The following FBN1 variants were observed in gnomAD, a reference collection of about 807,000 sequenced individuals.
FBN1 encodes the protein fibrillin 1.
In FBN1, 29 loss-of-function variants were observed where a neutral mutation model predicts 365.1. The observed-to-expected ratio is 0.08, with a 90% CI of 0.06 to 0.11. FBN1 has a LOEUF of 0.11. Among genes scored for constraint, FBN1 ranks in the 10% least tolerant of loss-of-function variants. The pLI is 1.00. For missense variants in FBN1, 2,476 were observed against 3,703.2 expected (o/e 0.67, Z 8.60); for synonymous variants, 1,210 against 1,270.5 (o/e 0.95, Z 1.01).
At chr15:48,502,532 CA>C (rs1276814988) in intron 17 of FBN1, among the ~76,000 whole-genome samples, 7 of 152,060 alleles carry the variant, frequency 4.6e-5, no homozygotes, top group Non-Finnish European at 8.8e-5. Flanking sequence ...TAAAAACAAC[CA>C]ACCAGAGCTA....
chr15:48,443,131 T>C (rs1437815544), intron 49 of FBN1, among the ~76,000 whole-genome samples: 2 of 152,208 alleles, frequency 1.3e-5, no homozygotes, highest in South Asian at 2.1e-4. Context: ...TTCTCCATCA[T>C]GCCATGTTAT....
Position 48,520,789 on chromosome 15 carries a change from A to G in FBN1, c.1017T>C (p.Ala339=). ...GGTTAGAGCAGCGCCCGTTTGTCAG[A>G]GCTGTGTAACAGTATCCTGGGCGAA... The part of the protein sequence containing the change: ...IDVRPGYCYT[A]LTNGRCSNQL... Residue 339 remains alanine, a synonymous_variant, in exon 10 of 66, where the codon GCT becomes GCC. Transcript: ENST00000316623. The G allele has an allele frequency of 6.2e-7, 1 of 1,614,206 alleles. No homozygotes were observed. The highest frequency in any genetic ancestry group is 1.6e-4 in the Middle Eastern group (1 of 6,062).
chr15:48,634,313 C>G (rs995191350), intron 2 of FBN1, among the ~76,000 whole-genome samples: 1 of 152,200 alleles, frequency 6.6e-6, no homozygotes, highest in Non-Finnish European at 1.5e-5. Flanking sequence ...TGTTTTCATA[C>G]GAATCTTTTC....
intron 6 of FBN1, among the ~76,000 whole-genome samples, chr15:48,582,412 C>T (rs997980215): frequency 7.9e-5 from 12 of 152,134 alleles, no homozygotes; most frequent in African/African-American, 2.9e-4. Context: ...ACAATATTTG[C>T]TGTTTAATTT....
At chr15:48,493,796 C>A (rs555350509) in intron 23 of FBN1, among the ~76,000 whole-genome samples, 1 of 152,316 alleles carries the variant, frequency 6.6e-6, no homozygotes, top group African/African-American at 2.4e-5. Flanking sequence ...TGCAGACTTT[C>A]AACAAAGAGA....
intron 50 of FBN1, among the ~76,000 whole-genome samples, chr15:48,438,598 A>C (rs555650799): frequency 1.3e-5 from 2 of 152,240 alleles, no homozygotes; most frequent in African/African-American, 4.8e-5. Context: ...TTAAATTTTT[A>C]AAAGAAGCTT....
At chr15:48,533,719 T>A (rs989632107) in intron 8 of FBN1, among the ~76,000 whole-genome samples, 2 of 152,172 alleles carry the variant, frequency 1.3e-5, no homozygotes, top group African/African-American at 4.8e-5. Context: ...TCGGAAGATA[T>A]ATTATTCTGA....
At chr15:48,529,870 A>G (rs1461156081) in intron 8 of FBN1, 3 of 152,708 alleles carry the variant, frequency 2.0e-5, no homozygotes, top group African/African-American at 7.3e-5. Flanking sequence ...CCCGATCACA[A>G]CTTGAAAATG....
chr15:48,421,913 C>T (rs201354003), intron 61 of FBN1, 39 bp downstream of exon 61: 8 of 1,453,282 alleles, frequency 5.5e-6, no homozygotes, highest in African/African-American at 2.8e-5. Context: ...TTAAAAGAAT[C>T]GCTACAATCC....
chr15:48,497,740 C>T (rs1320210686), intron 18 of FBN1, among the ~76,000 whole-genome samples: 1 of 152,174 alleles, frequency 6.6e-6, no homozygotes, highest in South Asian at 2.1e-4. Flanking sequence ...GGTCTCCCTA[C>T]CACCAGCCCC....
intron 11 of FBN1, 34 bp from the exon 12 acceptor site, chr15:48,515,561 T>C (rs956506047): frequency 1.2e-6 from 2 of 1,612,382 alleles, no homozygotes; most frequent in Non-Finnish European, 1.7e-6. Flanking sequence ...AAAATTATTT[T>C]AACTATGGTA....
intron 2 of FBN1, among the ~76,000 whole-genome samples, chr15:48,613,509 C>T (rs2044672992): frequency 6.6e-6 from 1 of 152,026 alleles, no homozygotes; most frequent in South Asian, 2.1e-4. Flanking sequence ...TATATATTTT[C>T]CTACGGCCCA....
Position 48,495,387 on chromosome 15 carries a change from T to TA in FBN1, c.2539+81dup, listed in dbSNP as rs1346295664. 13 of 1,594,168 alleles carry TA rather than the reference T, an allele frequency of 8.2e-6. No individual in the cohort carries two copies. In the African/African-American group the frequency reaches 1.5e-4, roughly 18 times the overall value. On this transcript the variant is annotated intron_variant, in intron 21 of 65. Transcript: ENST00000316623. ...GTTTTTAATATTGTTCATCCATACT[T>TA]AAATTCTTTTGCAGGAAAAGCTGAC...
At chr15:48,495,397 T>C in intron 21 of FBN1, 72 bp downstream of exon 21, 2 of 1,598,020 alleles carry the variant, frequency 1.3e-6, no homozygotes, top group Non-Finnish European at 1.7e-6. Flanking sequence ...TAAATTCTTT[T>C]GCAGGAAAAG....
At chr15:48,488,332 G>C (rs565318171) in intron 26 of FBN1, 36 bp downstream of exon 26, 4 of 1,614,146 alleles carry the variant, frequency 2.5e-6, no homozygotes, top group South Asian at 2.2e-5. Context: ...TTTAAAGGAC[G>C]TCCCCTCTCC....
At chr15:48,639,185 A>T (rs908787322) in intron 2 of FBN1, among the ~76,000 whole-genome samples, 5 of 152,198 alleles carry the variant, frequency 3.3e-5, no homozygotes, top group Admixed American at 2.6e-4. Flanking sequence ...AAATTAATGG[A>T]GAAAGAAAAG....
At chr15:48,633,208 T>A (rs933783487) in intron 2 of FBN1, among the ~76,000 whole-genome samples, 3 of 152,230 alleles carry the variant, frequency 2.0e-5, no homozygotes, top group Non-Finnish European at 4.4e-5. Flanking sequence ...CATAACATAG[T>A]TGTCACTTGG....
intron 17 of FBN1, among the ~76,000 whole-genome samples, chr15:48,503,208 A>G (rs1193986241): frequency 6.6e-6 from 1 of 151,506 alleles, no homozygotes; most frequent in Admixed American, 6.6e-5. Flanking sequence ...TGAGGCAGAG[A>G]ATCACTTGAA....
In FBN1 at chr15:48,489,884, T is replaced by C; in HGVS notation, c.3049A>G (p.Lys1017Glu). ...AAAGGCTTTCCATTTGTAATTTCTT[T>C]TGTGGCAAATCCGGGTCCTCTCGGA... ...LCPRGPGFAT[K>E]EITNGKPFFK... The change falls in exon 25 of 66, where the codon AAA (lysine) becomes GAA (glutamate). Residue 1017 changes from lysine (K) to glutamate (E), a missense_variant. Physicochemically the swap from Lys to Glu is moderately conservative, Grantham distance 56. Around this residue, in one of 5 missense-constraint regions of FBN1, gnomAD observed 1,780 missense variants for 2,840.8 expected, o/e 0.63. Coordinates refer to ENST00000316623, the MANE Select transcript of FBN1 (RefSeq NM_000138.5). 6 of 1,614,206 alleles carry C rather than the reference T, an allele frequency of 3.7e-6. No homozygotes were observed. The highest frequency in any genetic ancestry group is 4.2e-6 in the Non-Finnish European group (5 of 1,180,026).
Sources: gnomAD v4.1 joint callset for allele counts (sites outside exome capture counted in the v4.1 genomes callset) on GRCh38, gnomAD v4.1.1 for gene constraint, gnomAD v4.1.1 regional missense constraint, MANE v1.5 for transcripts, NCBI Gene and HGNC (gene_info 2026-07-23, HGNC 2026-07-21) for gene names.